The following MBD5 variants were observed in gnomAD, a reference collection of about 807,000 sequenced individuals.
MBD5 encodes methyl-CpG-binding domain protein 5.
In MBD5, 13 loss-of-function variants were observed where a neutral mutation model predicts 117.3. The ratio of observed to expected loss-of-function variants is 0.11; its 90% CI spans 0.07 to 0.18. The LOEUF is 0.18. Among genes scored for constraint, MBD5 ranks in the 10% least tolerant of loss-of-function variants. The pLI is 1.00. For synonymous variants in MBD5, 727 were observed against 766.4 expected, an observed-to-expected ratio of 0.95 and a Z score of 0.85; for missense variants, 1,879 against 2,093.8, an observed-to-expected ratio of 0.90 and a Z score of 2.00.
chr2:148,024,630 A>G (rs1693848328), intron 1 of MBD5, among the ~76,000 whole-genome samples: 1 of 152,070 alleles, frequency 6.6e-6, no homozygotes, highest in Non-Finnish European at 1.5e-5. Context: ...TTTCACTATC[A>G]TGAACATTTT....
chr2:148,128,546 T>C (rs1289730147), intron 1 of MBD5, among the ~76,000 whole-genome samples: 1 of 152,154 alleles, frequency 6.6e-6, no homozygotes, highest in Non-Finnish European at 1.5e-5. Flanking sequence ...GGACTGTAAA[T>C]GACAGCACAA....
intron 3 of MBD5, among the ~76,000 whole-genome samples, chr2:148,263,248 T>G (rs149059131): frequency 7.9e-5 from 12 of 152,280 alleles, no homozygotes; most frequent in African/African-American, 2.6e-4. Flanking sequence ...AGAAAAGGAC[T>G]AATCAGGGAA....
intron 1 of MBD5, among the ~76,000 whole-genome samples, chr2:148,107,542 A>G (rs972521943): frequency 1.3e-5 from 2 of 151,746 alleles, no homozygotes; most frequent in East Asian, 1.9e-4. Context: ...TCTCGAGACT[A>G]TATTTGGTAT....
At chr2:148,159,247 G>A (rs1697947676) in intron 1 of MBD5, among the ~76,000 whole-genome samples, 2 of 152,106 alleles carry the variant, frequency 1.3e-5, no homozygotes. Flanking sequence ...ACAGCACAAA[G>A]CCTCAAATAC....
intron 1 of MBD5, among the ~76,000 whole-genome samples, chr2:148,066,638 C>T (rs200654371): frequency 3.9e-5 from 6 of 152,016 alleles, no homozygotes; most frequent in East Asian, 1.9e-4. Context: ...CCACCATGCC[C>T]GGCTAATTTT....
At chr2:148,376,741 T>G (rs112481125) in intron 4 of MBD5, among the ~76,000 whole-genome samples, 5 of 139,550 alleles carry the variant, frequency 3.6e-5, no homozygotes, top group East Asian at 3.9e-4. Context: ...AATTATATTA[T>G]ATATTATAAT....
chr2:148,117,515 A>C (rs1696668969), intron 1 of MBD5, among the ~76,000 whole-genome samples: 1 of 152,198 alleles, frequency 6.6e-6, no homozygotes, highest in African/African-American at 2.4e-5. Context: ...TTGTATAGAA[A>C]GCAGTTGTTT....
intron 4 of MBD5, among the ~76,000 whole-genome samples, chr2:148,386,097 A>T (rs1206770643): frequency 6.6e-6 from 1 of 151,950 alleles, no homozygotes; most frequent in Non-Finnish European, 1.5e-5. Context: ...GTCCCCTAAA[A>T]CTTAAAGTAT....
chr2:148,356,352 T>TA (rs1285491009), intron 4 of MBD5, among the ~76,000 whole-genome samples: 2 of 152,126 alleles, frequency 1.3e-5, no homozygotes, highest in Non-Finnish European at 2.9e-5. Context: ...CTGGTTTCCT[T>TA]ATTTTTTTTC....
intron 4 of MBD5, among the ~76,000 whole-genome samples, chr2:148,444,187 T>C (rs1158524477): frequency 6.6e-6 from 1 of 151,640 alleles, no homozygotes; most frequent in South Asian, 2.1e-4. Flanking sequence ...CTTCTTCTCA[T>C]AAGTTAGAGA....
chr2:148,208,364 GTGTCT>G (rs1174788127), intron 2 of MBD5, among the ~76,000 whole-genome samples: 1 of 152,004 alleles, frequency 6.6e-6, no homozygotes, highest in Non-Finnish European at 1.5e-5. Flanking sequence ...TGAGATTCTG[GTGTCT>G]CAGCCTCCCA....
chr2:148,370,256 C>T (rs1385854417), intron 4 of MBD5, among the ~76,000 whole-genome samples: 1 of 152,054 alleles, frequency 6.6e-6, no homozygotes, highest in Non-Finnish European at 1.5e-5. Context: ...TTGCCTGCAT[C>T]ATGGTTTTTA....
chr2:148,112,868 C>T (rs148807305), intron 1 of MBD5, among the ~76,000 whole-genome samples: 3 of 152,138 alleles, frequency 2.0e-5, no homozygotes, highest in African/African-American at 7.2e-5. Flanking sequence ...TCTCATTGGC[C>T]AGGCATGGTG....
At chr2:148,398,851 A>G (rs1302351083) in intron 4 of MBD5, among the ~76,000 whole-genome samples, 1 of 152,224 alleles carries the variant, frequency 6.6e-6, no homozygotes, top group African/African-American at 2.4e-5. Flanking sequence ...GAAGGGATTC[A>G]GTTTCAGCTT....
chr2:148,381,934 G>T (rs577333409), intron 4 of MBD5, among the ~76,000 whole-genome samples: 11 of 152,218 alleles, frequency 7.2e-5, no homozygotes, highest in Non-Finnish European at 1.2e-4. Context: ...CACCAGGCCT[G>T]CCCTAAAAGA....
chr2:148,116,032 T>C (rs1205914886), intron 1 of MBD5, among the ~76,000 whole-genome samples: 3 of 151,708 alleles, frequency 2.0e-5, no homozygotes, highest in Non-Finnish European at 2.9e-5. Context: ...TTTTTAGAGG[T>C]GGGGTTTTGC....
At chr2:148,347,265 T>C (rs894218933) in intron 4 of MBD5, 2 of 152,026 alleles carry the variant, frequency 1.3e-5, no homozygotes, top group African/African-American at 4.8e-5. Flanking sequence ...ATTCTAGCTA[T>C]TCAGAGGCTG....
At chr2:148,265,354 G>A (rs183298677) in intron 3 of MBD5, among the ~76,000 whole-genome samples, 2 of 152,132 alleles carry the variant, frequency 1.3e-5, no homozygotes, top group Non-Finnish European at 2.9e-5. Context: ...GCCAAAGTAG[G>A]ATGATAGTAC....
At chr2:148,156,138 A>C (rs1233254012) in intron 1 of MBD5, among the ~76,000 whole-genome samples, 1 of 152,254 alleles carries the variant, frequency 6.6e-6, no homozygotes, top group Non-Finnish European at 1.5e-5. Flanking sequence ...TATTTGGTTG[A>C]TTAAATGATT....
Sources: allele counts gnomAD v4.1 joint callset (sites outside exome capture counted in the v4.1 genomes callset), GRCh38; gene constraint gnomAD v4.1.1; transcripts MANE v1.5; gene names NCBI Gene and HGNC (gene_info 2026-07-23, HGNC 2026-07-21).